TMEM63C: variants seen among roughly 807,000 people sequenced by gnomAD.
TMEM63C encodes the protein transmembrane protein 63C, also known as osmosensitive cation channel TMEM63C.
A neutral mutation model predicts 99.2 loss-of-function variants in TMEM63C; 32 were observed. That is an observed-to-expected ratio of 0.32 (90% confidence interval 0.24 to 0.43). The LOEUF (loss-of-function observed/expected upper bound fraction) is 0.43. TMEM63C is among the 20% of genes least tolerant of loss of function. The probability of loss-of-function intolerance (pLI) is 1.00; values close to 1 mark genes in which losing one functional copy is unlikely to be tolerated. For synonymous variants in TMEM63C, 376 were observed against 397.9 expected, an observed-to-expected ratio of 0.94 and a Z score of 0.66; for missense variants, 826 against 1,053.0, an observed-to-expected ratio of 0.78 and a Z score of 2.98.
chr14:77,242,298 T>TGC, intron 13 of TMEM63C, 49 bp from the exon 14 acceptor site: 2 of 1,416,890 alleles, frequency 1.4e-6, no homozygotes, highest in Non-Finnish European at 9.8e-7. Context: ...CCTAAGCCCA[T>TGC]CCCCCCACCC....
chr14:77,196,518 T>C (rs1298496284), intron 1 of TMEM63C, among the ~76,000 whole-genome samples: 2 of 152,208 alleles, frequency 1.3e-5, no homozygotes, highest in Non-Finnish European at 2.9e-5. Context: ...CTCTGTCCCC[T>C]GGAAATTCCC....
intron 23 of TMEM63C, among the ~76,000 whole-genome samples, chr14:77,253,594 C>T (rs1328226116): frequency 1.3e-5 from 2 of 152,212 alleles, no homozygotes; most frequent in African/African-American, 4.8e-5. Context: ...GAAGAGCCAC[C>T]GTGTACTCGG....
chr14:77,237,610 T>C (rs890727276), intron 9 of TMEM63C, among the ~76,000 whole-genome samples: 8 of 152,238 alleles, frequency 5.3e-5, no homozygotes, highest in African/African-American at 1.9e-4. Flanking sequence ...CAGCTCCCTG[T>C]CCACCGTTCA....
At chr14:77,250,439 T>C (rs544108783) in intron 21 of TMEM63C, among the ~76,000 whole-genome samples, 1 of 151,232 alleles carries the variant, frequency 6.6e-6, no homozygotes, top group South Asian at 2.1e-4. Context: ...TCTTTTTTTT[T>C]TTTTTTCTTT....
intron 3 of TMEM63C, 74 bp from the exon 4 acceptor site, chr14:77,219,424 G>A (rs1888649648): frequency 1.3e-6 from 2 of 1,498,196 alleles, no homozygotes; most frequent in African/African-American, 1.4e-5. Context: ...CTCCCCCAAG[G>A]GAATGCAGGG....
intron 5 of TMEM63C, among the ~76,000 whole-genome samples, chr14:77,224,810 C>T (rs1398413289): frequency 6.6e-6 from 1 of 152,016 alleles, no homozygotes; most frequent in East Asian, 1.9e-4. Context: ...CCTTGCAACA[C>T]CCATATCAAT....
intron 19 of TMEM63C, 64 bp downstream of exon 19, chr14:77,248,573 G>C: frequency 6.5e-7 from 1 of 1,547,348 alleles, no homozygotes. Flanking sequence ...CAGGGATAGA[G>C]CCTGCTAGAA....
At chr14:77,208,645 A>C (rs1359293235) in intron 1 of TMEM63C, among the ~76,000 whole-genome samples, 1 of 152,252 alleles carries the variant, frequency 6.6e-6, no homozygotes, top group Non-Finnish European at 1.5e-5. Flanking sequence ...AGGAAGGCAC[A>C]GAGGTGGGAA....
At chr14:77,239,040 G>A (rs922964675) in intron 10 of TMEM63C, among the ~76,000 whole-genome samples, 2 of 152,190 alleles carry the variant, frequency 1.3e-5, no homozygotes, top group Admixed American at 1.3e-4. Context: ...ACTGAGCACA[G>A]GGAACCTTGG....
chr14:77,194,377 T>C (rs1888167570), intron 1 of TMEM63C, among the ~76,000 whole-genome samples: 1 of 127,258 alleles, frequency 7.9e-6, no homozygotes. Context: ...TGTGTGTGTG[T>C]GTGTGTATGT....
At chr14:77,239,565 G>A in intron 11 of TMEM63C, 38 bp from the exon 12 acceptor site, 1 of 1,612,756 alleles carries the variant, frequency 6.2e-7, no homozygotes, top group South Asian at 1.1e-5. Flanking sequence ...GCTGGCCCCT[G>A]ACCTGCAGGT....
chr14:77,238,814 A>G, intron 10 of TMEM63C, 47 bp downstream of exon 10: 1 of 1,496,150 alleles, frequency 6.7e-7, no homozygotes, highest in Non-Finnish European at 9.3e-7. Flanking sequence ...TCCTCCCCAT[A>G]ACCCCGCCTG....
chr14:77,217,336 A>T (rs1888607768), intron 2 of TMEM63C, among the ~76,000 whole-genome samples: 1 of 152,134 alleles, frequency 6.6e-6, no homozygotes, highest in African/African-American at 2.4e-5. Context: ...CCTTGCTCAG[A>T]TGTCATTCTC....
intron 1 of TMEM63C, among the ~76,000 whole-genome samples, chr14:77,191,429 G>A (rs1381025372): frequency 6.6e-6 from 1 of 151,412 alleles, no homozygotes; most frequent in Non-Finnish European, 1.5e-5. Flanking sequence ...TGTATATTCT[G>A]CTGCTGTTTG....
chr14:77,218,722 C>A, intron 2 of TMEM63C, 79 bp from the exon 3 acceptor site: 1 of 1,489,256 alleles, frequency 6.7e-7, no homozygotes, highest in Non-Finnish European at 9.1e-7. Flanking sequence ...GCCCATCCCA[C>A]AACTCCCCAT....
At chr14:77,205,297 G>A (rs1594852869) in intron 1 of TMEM63C, among the ~76,000 whole-genome samples, 1 of 152,366 alleles carries the variant, frequency 6.6e-6, no homozygotes, top group East Asian at 1.9e-4. Flanking sequence ...TTCCATCACA[G>A]CCTGGTCCAG....
chr14:77,244,338 T>TC lies in TMEM63C; in HGVS notation c.1342-6dup. The TC allele has an allele frequency of 6.3e-7, 1 of 1,599,252 alleles. No homozygotes were observed. The highest frequency in any genetic ancestry group is 2.2e-5 in the East Asian group (1 of 44,750). On this transcript the variant is annotated splice_polypyrimidine_tract_variant and intron_variant, in intron 15 of 23. Coordinates refer to ENST00000298351, the MANE Select transcript of TMEM63C (RefSeq NM_020431.4). ...ACGTCTCTCCTGCCGTCCTCCCCTC[T>TC]CCCCCTGCAGAACCCAATTGTGACC...
intron 13 of TMEM63C, 49 bp from the exon 14 acceptor site, chr14:77,242,298 T>TCCCCCCCCC: frequency 7.8e-6 from 11 of 1,416,872 alleles, no homozygotes; most frequent in East Asian, 5.0e-5. Context: ...CCTAAGCCCA[T>TCCCCCCCCC]CCCCCCACCC....
chr14:77,231,005 A>G (rs1888929253), intron 6 of TMEM63C, among the ~76,000 whole-genome samples: 1 of 152,210 alleles, frequency 6.6e-6, no homozygotes, highest in African/African-American at 2.4e-5. Context: ...TAGAATGTGC[A>G]TGTATTCCAT....
Sources: gnomAD v4.1 joint callset for allele counts (sites outside exome capture counted in the v4.1 genomes callset) on GRCh38, gnomAD v4.1.1 for gene constraint, MANE v1.5 for transcripts, NCBI Gene and HGNC (gene_info 2026-07-23, HGNC 2026-07-21) for gene names.